The following HACE1 variants were observed in gnomAD, a reference collection of about 807,000 sequenced individuals.
HACE1 encodes E3 ubiquitin-protein ligase HACE1.
HACE1 carries 73 observed loss-of-function variants against 118.4 expected under a neutral mutation model. That is an observed-to-expected ratio of 0.62 (90% CI 0.51 to 0.75). HACE1 has a LOEUF of 0.75. HACE1 is among the 30% of genes least tolerant of loss of function. The pLI is 0.00. For missense variants in HACE1, 749 were observed against 1,102.2 expected (o/e 0.68, Z 4.54); for synonymous variants, 368 against 374.8 (o/e 0.98, Z 0.21).
intron 6 of HACE1, among the ~76,000 whole-genome samples, chr6:104,819,388 T>C (rs1334002785): frequency 2.0e-5 from 3 of 152,098 alleles, no homozygotes; most frequent in Admixed American, 2.0e-4. Flanking sequence ...ATATCAGAGA[T>C]GACACAAACA....
intron 6 of HACE1, among the ~76,000 whole-genome samples, chr6:104,819,139 T>C (rs1772420708): frequency 6.6e-6 from 1 of 152,054 alleles, no homozygotes; most frequent in Non-Finnish European, 1.5e-5. Context: ...ATTTGGAAAA[T>C]ACCACAGTCT....
intron 1 of HACE1, among the ~76,000 whole-genome samples, chr6:104,856,584 G>A (rs965314499): frequency 8.6e-5 from 13 of 151,906 alleles, no homozygotes; most frequent in Admixed American, 1.3e-4. Context: ...ACAGGCACCC[G>A]CCACCACATC....
chr6:104,780,305 C>A (rs745782118), intron 14 of HACE1: 1 of 438,918 alleles, frequency 2.3e-6, no homozygotes, highest in South Asian at 1.6e-5. Context: ...CATACAAACA[C>A]CTACACAGCC....
chr6:104,831,228 G>C (rs2115073755), intron 6 of HACE1: 1 of 152,254 alleles, frequency 6.6e-6, no homozygotes, highest in Non-Finnish European at 1.5e-5. Flanking sequence ...CCAAATGTCT[G>C]GACACAGGAA....
At chr6:104,822,773 C>G (rs1056215727) in intron 6 of HACE1, among the ~76,000 whole-genome samples, 1 of 152,070 alleles carries the variant, frequency 6.6e-6, no homozygotes, top group Non-Finnish European at 1.5e-5. Flanking sequence ...AGGAGAATTG[C>G]TTGGACTCAG....
chr6:104,792,276 A>G (rs996352845), intron 10 of HACE1, among the ~76,000 whole-genome samples: 2 of 152,176 alleles, frequency 1.3e-5, no homozygotes, highest in Admixed American at 6.5e-5. Flanking sequence ...TTTGCCTACC[A>G]TGAAAAAAGA....
chr6:104,843,159 T>G (rs1775279997), intron 5 of HACE1, 64 bp downstream of exon 5: 1 of 887,358 alleles, frequency 1.1e-6, no homozygotes, highest in Non-Finnish European at 1.9e-6. Context: ...TGCCTAACTG[T>G]CACATTCAAT....
At chr6:104,852,560 C>A (rs886965349) in intron 1 of HACE1, among the ~76,000 whole-genome samples, 189 bp from the exon 2 acceptor site, 1 of 152,188 alleles carries the variant, frequency 6.6e-6, no homozygotes, top group Non-Finnish European at 1.5e-5. Flanking sequence ...ATCCCCTCCA[C>A]TGCTTATCCC....
In HACE1 at chr6:104,811,242, T is replaced by TATATATATATA. The variant is rs1177876499; in HGVS notation, c.617+68_617+69insTATATATATAT. 1,831 of 191,424 alleles carry TATATATATATA rather than the reference T, an allele frequency of 9.6e-3. 38 individuals are homozygous for TATATATATATA. Among genetic ancestry groups the TATATATATATA allele is most frequent in the African/African-American group, 0.029 (774 of 26,282 alleles). 11.9% of individuals were successfully genotyped at this position (191,424 alleles called of 1,614,324 possible). ...TCTGGAAATATATATATTTCTTTAT[T>TATATATATATA]TATACATATATATATATATATATAT... On this transcript the variant is annotated intron_variant, in intron 7 of 23. Coordinates refer to ENST00000262903, the MANE Select transcript of HACE1 (RefSeq NM_020771.4).
intron 22 of HACE1, among the ~76,000 whole-genome samples, chr6:104,743,176 G>T (rs147581741): frequency 8.5e-6 from 1 of 117,158 alleles, no homozygotes; most frequent in African/African-American, 3.1e-5. Flanking sequence ...GTGGGGGGAG[G>T]GGGGAGGGAT....
intron 10 of HACE1, 95 bp from the exon 11 acceptor site, chr6:104,791,749 T>G (rs960649970): frequency 6.3e-6 from 5 of 795,138 alleles, no homozygotes; most frequent in Non-Finnish European, 1.0e-5. Flanking sequence ...ACCATCTGTT[T>G]CATATTATAA....
At chr6:104,793,308 C>T (rs1343307873) in intron 10 of HACE1, among the ~76,000 whole-genome samples, 1 of 151,876 alleles carries the variant, frequency 6.6e-6, no homozygotes, top group Non-Finnish European at 1.5e-5. Context: ...ACTCAAACCC[C>T]TATCATTGTA....
rs115637480 is a variant in HACE1 at position 104,829,059 on chromosome 6, T to A, written c.534+3983A>T. Among the ~76,000 whole-genome samples the A allele has an allele frequency of 7.8e-3, 1,180 of 152,098 alleles. 15 individuals carry two copies. The highest frequency in any genetic ancestry group is 0.026 in the African/African-American group (1,064 of 41,518). On this transcript the variant is annotated intron_variant, in intron 6 of 23. Transcript: ENST00000262903. Reference sequence around the variant, plus strand: ...GGAATTTTTTCCCCATTTAAAGTTTTCTATTTTATTCTATAAAATATATAT... The same window carrying A: ...GGAATTTTTTCCCCATTTAAAGTTTACTATTTTATTCTATAAAATATATAT...
At chr6:104,814,206 G>T (rs553319461) in intron 6 of HACE1, among the ~76,000 whole-genome samples, 1 of 137,584 alleles carries the variant, frequency 7.3e-6, no homozygotes, top group South Asian at 2.2e-4. Context: ...AAGACATCAG[G>T]TGCCAGGTTT....
chr6:104,838,715 C>T (rs1051509080), intron 5 of HACE1, among the ~76,000 whole-genome samples: 1 of 151,132 alleles, frequency 6.6e-6, no homozygotes, highest in African/African-American at 2.4e-5. Flanking sequence ...GCAAAAGTAA[C>T]CAAAGCAAAA....
intron 1 of HACE1, 39 bp downstream of exon 1, chr6:104,859,528 C>G: frequency 6.8e-7 from 1 of 1,460,970 alleles, no homozygotes; most frequent in Non-Finnish European, 9.1e-7. Flanking sequence ...CTGGCCGCCC[C>G]CAGCCCCGCG....
chr6:104,773,976 TATA>T (rs1344841970), intron 17 of HACE1, among the ~76,000 whole-genome samples: 1 of 151,834 alleles, frequency 6.6e-6, no homozygotes, highest in East Asian at 1.9e-4. Context: ...AATAATAGCA[TATA>T]ATATTTATAC....
At chr6:104,828,587 C>G (rs940568580) in intron 6 of HACE1, among the ~76,000 whole-genome samples, 1 of 151,856 alleles carries the variant, frequency 6.6e-6, no homozygotes, top group East Asian at 1.9e-4. Context: ...TTCATCTGAT[C>G]ATTATTAAAT....
At chr6:104,833,555 T>C (rs191797371) in intron 5 of HACE1, among the ~76,000 whole-genome samples, 2 of 152,272 alleles carry the variant, frequency 1.3e-5, no homozygotes, top group East Asian at 1.9e-4. Context: ...AATCAAGAAC[T>C]CAGTGGGGCT....
Sources: gnomAD v4.1 joint callset for allele counts (sites outside exome capture counted in the v4.1 genomes callset) on GRCh38, gnomAD v4.1.1 for gene constraint, MANE v1.5 for transcripts, NCBI Gene and HGNC (gene_info 2026-07-23, HGNC 2026-07-21) for gene names.